The following TRIM2 variants were observed in gnomAD, a reference collection of about 807,000 sequenced individuals.
The protein encoded by TRIM2 is tripartite motif containing 2, also known as tripartite motif-containing protein 2.
In TRIM2, 20 loss-of-function variants were observed where a neutral mutation model predicts 75.2. That is an observed-to-expected ratio of 0.27 (90% confidence interval 0.19 to 0.39). The LOEUF (loss-of-function observed/expected upper bound fraction) is 0.39. Ranked by LOEUF, TRIM2 falls within the 10% of genes least tolerant of loss-of-function variation. TRIM2 has a pLI of 1.00. For missense variants in TRIM2, 660 were observed against 990.8 expected, an observed-to-expected ratio of 0.67 and a Z score of 4.48; for synonymous variants, 373 against 388.3, an observed-to-expected ratio of 0.96 and a Z score of 0.46.
At chr4:153,271,516 A>C (rs1195191124) in intron 2 of TRIM2, among the ~76,000 whole-genome samples, 1 of 152,162 alleles carries the variant, frequency 6.6e-6, no homozygotes, top group African/African-American at 2.4e-5. Flanking sequence ...TAGAAGGAGA[A>C]GGTAGATTTG....
At position 153,244,440 on chromosome 4, in the gene TRIM2, A is replaced by C. The variant is rs765391131; in HGVS notation, c.31-25895A>C. Among the ~76,000 whole-genome samples the C allele has an allele frequency of 1.0e-2, 528 of 52,890 alleles. 56 individuals are homozygous for C. Among genetic ancestry groups the C allele is most frequent in the Admixed American group, 0.044 (210 of 4,798 alleles). 34.7% of individuals were successfully genotyped at this position (52,890 alleles called of 152,430 possible). A position where few individuals can be genotyped will look rare whatever the true frequency, so the allele number is the denominator to read the frequency against. Reference sequence around the variant, plus strand: ...TTCTTCTTCTTCTTCTTCTTCTTTTAATTAGAGAGGAGGCCTCACTATGTT... The same window carrying C: ...TTCTTCTTCTTCTTCTTCTTCTTTTCATTAGAGAGGAGGCCTCACTATGTT... On this transcript the variant is annotated intron_variant, in intron 1 of 11. Transcript: ENST00000338700.
intron 1 of TRIM2, among the ~76,000 whole-genome samples, chr4:153,267,749 CCT>C (rs1579167098): frequency 1.3e-5 from 2 of 150,410 alleles, no homozygotes; most frequent in East Asian, 1.9e-4. Flanking sequence ...TTCCTTCCTT[CCT>C]TCTCTCTCTT....
intron 6 of TRIM2, among the ~76,000 whole-genome samples, chr4:153,299,031 G>C (rs1412919791): frequency 2.6e-5 from 4 of 152,044 alleles, no homozygotes; most frequent in Non-Finnish European, 4.4e-5. Context: ...GAGCCACCAT[G>C]CCTAGCCATA....
rs1200059701 is a variant in TRIM2 at position 153,259,163 on chromosome 4, CCA to C, written c.31-11167_31-11166del. 1.8e-4 allele frequency among the ~76,000 whole-genome samples: 28 copies of C among 152,214 alleles called. 1 individual carries two copies. Among genetic ancestry groups the C allele is most frequent in the African/African-American group, 5.1e-4 (21 of 41,522 alleles). The stretch of plus-strand genomic sequence containing the variant: ...GATATATGAATGCAGCATATATAAC[CCA>C]CACATTTTTTAAAAGAAGACTAAAA... On this transcript the variant is annotated intron_variant, in intron 1 of 11. Coordinates refer to ENST00000338700, the MANE Select transcript of TRIM2 (RefSeq NM_015271.5).
intron 2 of TRIM2, among the ~76,000 whole-genome samples, chr4:153,272,054 T>C (rs941731139): frequency 1.8e-4 from 28 of 152,232 alleles, no homozygotes; most frequent in Admixed American, 3.9e-4. Context: ...GTGGTAGAGA[T>C]TTGTGAGATT....
rs183226700 is a variant in TRIM2 at position 153,322,465 on chromosome 4, C to G, written c.1783-183C>G. ...TAAGGATTTATATAGATATCAGCAG[C>G]AGATAATGGATGTGACAAAGCCAGT... On this transcript the variant is annotated intron_variant, in intron 8 of 11. Transcript: ENST00000338700. 3.9e-5 allele frequency among the ~76,000 whole-genome samples: 6 copies of G among 152,136 alleles called. No homozygotes were observed. In the East Asian group the frequency reaches 5.8e-4, roughly 15 times the overall value.
intron 11 of TRIM2, among the ~76,000 whole-genome samples, chr4:153,330,985 T>C (rs1771350786): frequency 6.6e-6 from 1 of 152,134 alleles, no homozygotes; most frequent in African/African-American, 2.4e-5. Context: ...GTTCCTAGAA[T>C]AGGTGAGTTC....
intron 1 of TRIM2, among the ~76,000 whole-genome samples, chr4:153,263,286 G>A (rs1357914385): frequency 6.6e-6 from 1 of 151,874 alleles, no homozygotes; most frequent in African/African-American, 2.4e-5. Context: ...CTGTGAGCAT[G>A]TCACTGCACT....
intron 1 of TRIM2, among the ~76,000 whole-genome samples, chr4:153,221,289 G>T (rs1739900469): frequency 6.6e-6 from 1 of 152,144 alleles, no homozygotes. Flanking sequence ...AAATGTCCAA[G>T]TGTGGCGGTG....
At chr4:153,329,834 C>T (rs1771069341) in intron 11 of TRIM2, among the ~76,000 whole-genome samples, 1 of 149,488 alleles carries the variant, frequency 6.7e-6, no homozygotes, top group Non-Finnish European at 1.5e-5. Context: ...GAGACTCTGT[C>T]TCAAAAAATT....
At chr4:153,195,399 C>G (rs1733663807) in intron 1 of TRIM2, among the ~76,000 whole-genome samples, 1 of 151,994 alleles carries the variant, frequency 6.6e-6, no homozygotes, top group Non-Finnish European at 1.5e-5. Flanking sequence ...TGTGGTGGTC[C>G]CAGCTACTCA....
chr4:153,212,502 T>C (rs1309438337), intron 1 of TRIM2, among the ~76,000 whole-genome samples: 3 of 152,118 alleles, frequency 2.0e-5, no homozygotes, highest in East Asian at 3.9e-4. Flanking sequence ...AATATTTCCA[T>C]GTAAGAAAGC....
At chr4:153,201,674 G>A (rs955668674), upstream of TRIM2, among the ~76,000 whole-genome samples, 5 of 152,160 alleles carry the variant, frequency 3.3e-5, no homozygotes, top group South Asian at 4.2e-4. Context: ...CAGCCTGGGT[G>A]ACAGAGTAGG....
In TRIM2 at chr4:153,270,482, C is replaced by G; in HGVS notation, c.178C>G (p.Pro60Ala). ...CSICLERYKNPKVLPCLHTFC... is the reference protein window; with the variant it reads ...CSICLERYKNAKVLPCLHTFC... ...TATATGCCTGGAACGGTACAAGAATCCCAAGGTTCTCCCCTGTCTGCACAC... is the reference window on the plus strand; with the variant it reads ...TATATGCCTGGAACGGTACAAGAATGCCAAGGTTCTCCCCTGTCTGCACAC... Residue 60 changes from proline (P) to alanine (A), a missense_variant, in exon 2 of 12, where the codon CCC (proline) becomes GCC (alanine). This residue lies in a region of TRIM2 where 620 missense variants were observed against 891.0 expected (regional missense o/e 0.70). Transcript: ENST00000338700. The G allele has an allele frequency of 6.2e-7, 1 of 1,613,072 alleles. No homozygotes were observed. Among genetic ancestry groups the G allele is most frequent in the African/African-American group, 1.3e-5 (1 of 74,956 alleles).
intron 6 of TRIM2, among the ~76,000 whole-genome samples, chr4:153,305,437 A>G (rs957343951): frequency 7.9e-5 from 12 of 152,352 alleles, no homozygotes; most frequent in African/African-American, 2.6e-4. Context: ...ATAAATAGAA[A>G]TATGGTAGAT....
chr4:153,189,218 G>A (rs9683426), intron 1 of TRIM2, among the ~76,000 whole-genome samples: 7,262 of 152,256 alleles, frequency 0.048, 210 homozygotes, highest in South Asian at 0.061. Flanking sequence ...AATGAAGACT[G>A]AGAGACCAAT....
chr4:153,332,380 C>T (rs1194342751), intron 11 of TRIM2, among the ~76,000 whole-genome samples: 1 of 152,204 alleles, frequency 6.6e-6, no homozygotes, highest in Non-Finnish European at 1.5e-5. Flanking sequence ...TGCTGTGGCT[C>T]ACATCTGTAA....
Position 153,334,980 on chromosome 4 carries a change from G to A in TRIM2, c.*14G>A. The A allele has an allele frequency of 6.2e-7, 1 of 1,607,100 alleles. No individual in the cohort carries two copies. Among genetic ancestry groups the A allele is most frequent in the East Asian group, 2.2e-5 (1 of 44,732 alleles). On this transcript the variant is annotated 3_prime_UTR_variant, in exon 12 of 12. Coordinates refer to ENST00000338700, the MANE Select transcript of TRIM2 (RefSeq NM_015271.5). ...TACTTACAGTAATGGTGGGCAGGTG[G>A]ATACCCGCTTCCATGGTCTTGCACT...
chr4:153,197,373 G>A (rs6822903), intron 1 of TRIM2, among the ~76,000 whole-genome samples: 68,979 of 152,002 alleles, frequency 0.45, 16,180 homozygotes, highest in African/African-American at 0.54. Flanking sequence ...CCTTCTATTT[G>A]CAAAGCCCTT....
Sources: allele counts gnomAD v4.1 joint callset (sites outside exome capture counted in the v4.1 genomes callset), GRCh38; gene constraint gnomAD v4.1.1; regional missense constraint gnomAD v4.1.1; transcripts MANE v1.5; gene names NCBI Gene and HGNC (gene_info 2026-07-23, HGNC 2026-07-21).